The following HERC1 variants were observed in gnomAD, a reference collection of about 807,000 sequenced individuals.
HERC1 encodes the protein HECT and RLD domain containing E3 ubiquitin protein ligase family member 1.
Under a neutral mutation model 554.3 loss-of-function variants are expected in HERC1, and 160 were observed. The ratio of observed to expected loss-of-function variants is 0.29; its 90% CI spans 0.25 to 0.33. The LOEUF (loss-of-function observed/expected upper bound fraction) is 0.33. Among genes scored for constraint, HERC1 ranks in the 10% least tolerant of loss-of-function variants. The probability of loss-of-function intolerance (pLI) is 1.00; values close to 1 mark genes in which losing one functional copy is unlikely to be tolerated. For missense variants in HERC1, 4,919 were observed against 5,918.5 expected (o/e 0.83, Z 5.54); for synonymous variants, 2,175 against 2,131.7 (o/e 1.02, Z -0.56).
intron 67 of HERC1, among the ~76,000 whole-genome samples, chr15:63,633,302 C>T (rs2068641499): frequency 6.6e-6 from 1 of 152,200 alleles, no homozygotes; most frequent in Admixed American, 6.5e-5. Flanking sequence ...GTAAATCACA[C>T]TGCTTGTGAA....
At chr15:63,772,646 T>C (rs1050891349) in intron 2 of HERC1, among the ~76,000 whole-genome samples, 8 of 151,680 alleles carry the variant, frequency 5.3e-5, no homozygotes, top group African/African-American at 1.9e-4. Flanking sequence ...AATGAGAGGA[T>C]TTGAATATTG....
intron 1 of HERC1, among the ~76,000 whole-genome samples, chr15:63,807,490 A>G (rs573039409): frequency 5.8e-4 from 89 of 152,250 alleles, no homozygotes; most frequent in Non-Finnish European, 1.0e-3. Context: ...CTCAGACTTA[A>G]AAGTGTACTA....
chr15:63,624,611 C>T (rs900291343), intron 71 of HERC1, among the ~76,000 whole-genome samples: 2 of 152,136 alleles, frequency 1.3e-5, no homozygotes, highest in African/African-American at 4.8e-5. Flanking sequence ...GGGTGGATCA[C>T]CTGAGTCCAA....
At chr15:63,616,011 C>T in intron 75 of HERC1, 91 bp from the exon 76 acceptor site, 1 of 1,094,740 alleles carries the variant, frequency 9.1e-7, no homozygotes, top group Non-Finnish European at 1.3e-6. Context: ...CAATAACAAA[C>T]TCACAATTTT....
At chr15:63,690,095 G>T (rs773396716) in intron 32 of HERC1, among the ~76,000 whole-genome samples, 1 of 151,256 alleles carries the variant, frequency 6.6e-6, no homozygotes. Flanking sequence ...CCCAGGAGGC[G>T]GAGGCTGCAG....
intron 1 of HERC1, among the ~76,000 whole-genome samples, chr15:63,810,881 A>G (rs1034299343): frequency 1.4e-4 from 21 of 152,248 alleles, no homozygotes; most frequent in African/African-American, 4.6e-4. Context: ...TGATTTAAGG[A>G]GTACATAACA....
intron 16 of HERC1, among the ~76,000 whole-genome samples, chr15:63,728,995 A>G (rs977626551): frequency 2.0e-5 from 3 of 152,070 alleles, no homozygotes; most frequent in Non-Finnish European, 1.5e-5. Flanking sequence ...TTTAAAATTA[A>G]TATTTTTGAG....
At chr15:63,642,170 G>A (rs925412779) in intron 59 of HERC1, among the ~76,000 whole-genome samples, 5 of 152,116 alleles carry the variant, frequency 3.3e-5, no homozygotes, top group Admixed American at 1.3e-4. Flanking sequence ...TAATCTTTAA[G>A]GGTATGAAAA....
chr15:63,823,628 G>A (rs180916460), intron 1 of HERC1, among the ~76,000 whole-genome samples: 19 of 152,212 alleles, frequency 1.2e-4, no homozygotes, highest in South Asian at 2.1e-4. Context: ...ATTCTCACAA[G>A]GATGGTACAT....
chr15:63,789,168 G>A (rs1487358948), intron 1 of HERC1, among the ~76,000 whole-genome samples: 1 of 121,826 alleles, frequency 8.2e-6, no homozygotes, highest in South Asian at 2.8e-4. Flanking sequence ...TCGGCTCACT[G>A]CAAGCTCCGC....
At chr15:63,614,451 C>T (rs1489227353) in intron 76 of HERC1, among the ~76,000 whole-genome samples, 1 of 152,194 alleles carries the variant, frequency 6.6e-6, no homozygotes, top group African/African-American at 2.4e-5. Context: ...AAATATTCAT[C>T]AACTGGAGAC....
intron 74 of HERC1, among the ~76,000 whole-genome samples, chr15:63,617,569 A>C (rs2067877152): frequency 6.6e-6 from 1 of 152,170 alleles, no homozygotes; most frequent in African/African-American, 2.4e-5. Context: ...TTCTAGATCC[A>C]TGAGGAATCA....
At chr15:63,806,701 A>C (rs1279649260) in intron 1 of HERC1, among the ~76,000 whole-genome samples, 2 of 152,230 alleles carry the variant, frequency 1.3e-5, no homozygotes, top group East Asian at 3.8e-4. Flanking sequence ...AGTGGGGGCT[A>C]TAAGGATAAA....
chr15:63,625,908 G>A (rs2068282205), intron 71 of HERC1, 77 bp downstream of exon 71: 1 of 1,443,636 alleles, frequency 6.9e-7, no homozygotes, highest in Non-Finnish European at 9.6e-7. Flanking sequence ...GAAAGGCCCT[G>A]GGGCCTGGCG....
At chr15:63,619,144 G>T (rs1424598240) in intron 74 of HERC1, among the ~76,000 whole-genome samples, 1 of 152,114 alleles carries the variant, frequency 6.6e-6, no homozygotes, top group East Asian at 1.9e-4. Context: ...ATCATAGATA[G>T]CTCTTACTAT....
rs936292221 is a variant in HERC1 at position 63,758,660 on chromosome 15, A to G, written c.1027-291T>C. ...CAAAGCTTAAGAAATAAAGTAGAAA[A>G]AATCACCATGGATAATCTTAACATC... On this transcript the variant is annotated intron_variant, in intron 3 of 77. Transcript: ENST00000443617. The surrounding 1 kb of genome is among the most constrained non-coding windows in gnomAD (Gnocchi z 4.0). 3.9e-5 allele frequency among the ~76,000 whole-genome samples: 6 copies of G among 152,212 alleles called. No homozygotes were observed. Among genetic ancestry groups the G allele is most frequent in the Non-Finnish European group, 8.8e-5 (6 of 68,040 alleles).
At chr15:63,737,536 TATATATATATATC>T (rs1407493725) in intron 12 of HERC1, among the ~76,000 whole-genome samples, 14 of 123,314 alleles carry the variant, frequency 1.1e-4, no homozygotes, top group Admixed American at 2.4e-4. Context: ...TATATATATA[TATATATATATATC>T]TTTTTTTTTT....
intron 1 of HERC1, among the ~76,000 whole-genome samples, chr15:63,805,185 T>A (rs1337293699): frequency 1.3e-5 from 2 of 152,228 alleles, no homozygotes; most frequent in Non-Finnish European, 2.9e-5. Flanking sequence ...CTGTCCATCA[T>A]CTGATGAATG....
chr15:63,678,056 C>T lies in HERC1; in HGVS notation c.6859G>A (p.Gly2287Ser), dbSNP rs1161670410. 1 of 1,613,996 alleles carries T rather than the reference C, an allele frequency of 6.2e-7. No homozygotes were observed. The highest frequency in any genetic ancestry group is 1.7e-5 in the Admixed American group (1 of 60,022). ...EEEKGKHTRHGLADLSELQLR... is the reference protein window; with the variant it reads ...EEEKGKHTRHSLADLSELQLR... The stretch of plus-strand genomic sequence containing the variant: ...TGCAGCTCTGAGAGGTCAGCGAGGC[C>T]ATGCCTAGTATGTTTACCTTTCTCT... Residue 2287 changes from glycine (G) to serine (S), a missense_variant, in exon 37 of 78, where the codon GGC becomes AGC. Gly to Ser is a moderately conservative substitution (Grantham distance 56). Coordinates refer to ENST00000443617, the MANE Select transcript of HERC1 (RefSeq NM_003922.4).
Sources: gnomAD v4.1 joint callset for allele counts (sites outside exome capture counted in the v4.1 genomes callset) on GRCh38, gnomAD v4.1.1 for gene constraint, Gnocchi (gnomAD v3.1) non-coding constraint, MANE v1.5 for transcripts, NCBI Gene and HGNC (gene_info 2026-07-23, HGNC 2026-07-21) for gene names.